ALPK3: variants seen among roughly 807,000 people sequenced by gnomAD.
The protein encoded by ALPK3 is alpha-protein kinase 3.
ALPK3 carries 102 observed loss-of-function variants against 140.0 expected under a neutral mutation model. The observed-to-expected ratio is 0.73, with a 90% CI of 0.62 to 0.86. The LOEUF is 0.86. Among genes scored for constraint, ALPK3 ranks in the 40% least tolerant of loss-of-function variants. The probability of loss-of-function intolerance (pLI) is 0.00; values close to 1 mark genes in which losing one functional copy is unlikely to be tolerated. For missense variants in ALPK3, 2,254 were observed against 2,208.2 expected (o/e 1.02, Z -0.42); for synonymous variants, 938 against 898.5 (o/e 1.04, Z -0.79).
At chr15:84,831,775 G>C (rs1432339976) in intron 3 of ALPK3, among the ~76,000 whole-genome samples, 3 of 152,210 alleles carry the variant, frequency 2.0e-5, no homozygotes, top group Admixed American at 2.0e-4. Flanking sequence ...TGAGCAAGGA[G>C]GAGGGGCCTG....
Position 84,858,466 on chromosome 15 carries a change from AGGCCGGC to A in ALPK3, c.3731_3737del (p.Ala1244ValfsTer26). ...GCAGGAGACCTGGGCCCCAGCCCCAAGGCCGGCGGTCTGGACACAGAGGTGGCCCTGG... is the reference window on the plus strand; with the variant it reads ...GCAGGAGACCTGGGCCCCAGCCCCAAGGTCTGGACACAGAGGTGGCCCTGG... On this transcript the variant is annotated frameshift_variant, in exon 6 of 14. Coordinates refer to ENST00000258888, the MANE Select transcript of ALPK3 (RefSeq NM_020778.5). LOFTEE classifies it high-confidence loss of function. 1 of 1,571,168 alleles carries A rather than the reference AGGCCGGC, an allele frequency of 6.4e-7. No individual in the cohort carries two copies.
intron 5 of ALPK3, among the ~76,000 whole-genome samples, chr15:84,849,017 C>T (rs184784345): frequency 6.6e-6 from 1 of 152,164 alleles, no homozygotes; most frequent in African/African-American, 2.4e-5. Context: ...TGGTGCATGC[C>T]TGTAATCCCA....
intron 5 of ALPK3, 22 bp from the exon 6 acceptor site, chr15:84,856,370 G>A: frequency 1.9e-6 from 3 of 1,567,026 alleles, no homozygotes; most frequent in Non-Finnish European, 1.7e-6. Flanking sequence ...TTAAATCCTT[G>A]CTTTTGTCCC....
At chr15:84,838,093 C>T (rs1224275319) in intron 3 of ALPK3, among the ~76,000 whole-genome samples, 5 of 152,116 alleles carry the variant, frequency 3.3e-5, no homozygotes, top group African/African-American at 7.2e-5. Flanking sequence ...ACACCTCAGT[C>T]GGTGTCACTG....
At chr15:84,859,566 T>C (rs1257657857) in intron 7 of ALPK3, among the ~76,000 whole-genome samples, 176 bp downstream of exon 7, 1 of 152,224 alleles carries the variant, frequency 6.6e-6, no homozygotes, top group Non-Finnish European at 1.5e-5. Flanking sequence ...TTTAAGCCAC[T>C]TGTCCAAAGC....
Position 84,857,934 on chromosome 15 carries a change from C to G in ALPK3, c.3196C>G (p.Pro1066Ala), listed in dbSNP as rs139722212. 3 of 1,609,630 alleles carry G rather than the reference C, an allele frequency of 1.9e-6. No homozygotes were observed. In the Admixed American group the frequency reaches 5.1e-5, roughly 27 times the overall value. The change falls in exon 6 of 14, where the codon CCC becomes GCC. Residue 1066 changes from proline to alanine, a missense_variant. Pro to Ala is a conservative substitution (Grantham distance 27, BLOSUM62 -1). This residue lies in a region of ALPK3 where 2,088 missense variants were observed against 2,022.9 expected (regional missense o/e 1.03). Transcript: ENST00000258888. ...AAARGSWGPG[P>A]SSLTVPAIVV... Reference sequence around the variant, plus strand: ...TGCCCGAGGCTCCTGGGGTCCTGGTCCCAGCTCCCTCACTGTCCCTGCCAT... The same window carrying G: ...TGCCCGAGGCTCCTGGGGTCCTGGTGCCAGCTCCCTCACTGTCCCTGCCAT...
intron 12 of ALPK3, 49 bp downstream of exon 12, chr15:84,864,714 G>C (rs917486716): frequency 1.3e-6 from 2 of 1,560,566 alleles, no homozygotes; most frequent in African/African-American, 2.7e-5. Context: ...GGATGTGAAA[G>C]CATGCAGAGG....
At chr15:84,855,741 G>T (rs1321056451) in intron 5 of ALPK3, among the ~76,000 whole-genome samples, 1 of 152,162 alleles carries the variant, frequency 6.6e-6, no homozygotes, top group Non-Finnish European at 1.5e-5. Flanking sequence ...TACTGTATGA[G>T]GAGTAAGTGG....
chr15:84,862,664 G>T lies in ALPK3; in HGVS notation c.4159G>T (p.Val1387Leu). 1 of 1,614,020 alleles carries T rather than the reference G, an allele frequency of 6.2e-7. No homozygotes were observed. The highest frequency in any genetic ancestry group is 8.5e-7 in the Non-Finnish European group (1 of 1,179,976). Reference protein sequence around the residue: ...VGEEIEMTPMVFAKGLADSGC... With the variant: ...VGEEIEMTPMLFAKGLADSGC... ...AGAAGAGATTGAGATGACCCCTATGGTGTTTGCTAAGGGTCTGGCTGACTC... is the reference window on the plus strand; with the variant it reads ...AGAAGAGATTGAGATGACCCCTATGTTGTTTGCTAAGGGTCTGGCTGACTC... The change falls in exon 10 of 14, where the codon GTG becomes TTG. Residue 1387 changes from valine to leucine, a missense_variant. By Grantham distance (32) the Val-to-Leu change is conservative (BLOSUM62 1). This residue lies in a region of ALPK3 where 2,088 missense variants were observed against 2,022.9 expected (regional missense o/e 1.03). Coordinates refer to ENST00000258888, the MANE Select transcript of ALPK3 (RefSeq NM_020778.5).
chr15:84,862,699 G>T lies in ALPK3; in HGVS notation c.4194G>T (p.Trp1398Cys), dbSNP rs780428798. The change falls in exon 10 of 14, where the codon TGG becomes TGT. Residue 1398 changes from tryptophan to cysteine, a missense_variant. Physicochemically the swap from Trp to Cys is radical, Grantham distance 215. This residue lies in a region of ALPK3 where 2,088 missense variants were observed against 2,022.9 expected (regional missense o/e 1.03). Transcript: ENST00000258888. Reference sequence around the variant, plus strand: ...AGGGTCTGGCTGACTCTGGCTGCTGGGGGGACAAGCTCTTTGGGCGACTGG... The same window carrying T: ...AGGGTCTGGCTGACTCTGGCTGCTGTGGGGACAAGCTCTTTGGGCGACTGG... The part of the protein sequence containing the change: ...FAKGLADSGC[W>C]GDKLFGRLVS... 5.6e-6 allele frequency: 9 copies of T among 1,614,186 alleles called. No individual in the cohort carries two copies. In the East Asian group the frequency reaches 2.0e-4, roughly 36 times the overall value.
chr15:84,845,729 C>T (rs930148637), intron 5 of ALPK3, among the ~76,000 whole-genome samples: 2 of 152,212 alleles, frequency 1.3e-5, no homozygotes, highest in African/African-American at 4.8e-5. Context: ...AAGTCCCACA[C>T]TGGCCACTGG....
chr15:84,842,426 G>A (rs879927126), intron 5 of ALPK3, among the ~76,000 whole-genome samples: 9 of 152,226 alleles, frequency 5.9e-5, no homozygotes, highest in Admixed American at 3.3e-4. Flanking sequence ...TAGGATAGAG[G>A]AAGCAGTTAT....
At position 84,858,357 on chromosome 15, in the gene ALPK3, A is replaced by C. The variant is rs375198700; in HGVS notation, c.3619A>C (p.Thr1207Pro). Residue 1207 changes from threonine (T) to proline (P), a missense_variant, in exon 6 of 14, where the codon ACT (threonine) becomes CCT (proline). Thr to Pro is a conservative substitution (Grantham distance 38). Transcript: ENST00000258888. ...RKSLVPGSPGTPGRERRSPTQ... is the reference protein window; with the variant it reads ...RKSLVPGSPGPPGRERRSPTQ... ...AAGCCTGGTGCCTGGGTCCCCAGGGACTCCAGGGCGGGAGAGACGCTCCCC... is the reference window on the plus strand; with the variant it reads ...AAGCCTGGTGCCTGGGTCCCCAGGGCCTCCAGGGCGGGAGAGACGCTCCCC... The C allele has an allele frequency of 6.4e-6, 10 of 1,554,914 alleles. No individual in the cohort carries two copies. The African/African-American group carries it at 1.4e-4, about 21-fold the overall frequency.
At chr15:84,859,202 G>A (rs774221903) in intron 6 of ALPK3, 41 bp from the exon 7 acceptor site, 2 of 1,612,100 alleles carry the variant, frequency 1.2e-6, no homozygotes, top group Non-Finnish European at 1.7e-6. Flanking sequence ...TATGGCCAGA[G>A]GAGAGGTGGT....
At chr15:84,866,878 TC>T (rs1964008670) in intron 12 of ALPK3, among the ~76,000 whole-genome samples, 1 of 152,176 alleles carries the variant, frequency 6.6e-6, no homozygotes, top group African/African-American at 2.4e-5. Flanking sequence ...CCTGGTCTGA[TC>T]CAGTAGAGGC....
rs766372253 is a variant in ALPK3, at chr15:84,840,391, G to C, written c.1112G>C (p.Arg371Thr). Residue 371 changes from arginine (R) to threonine (T), a missense_variant, in exon 5 of 14, where the codon AGA (arginine) becomes ACA (threonine). This residue lies in a region of ALPK3 where 2,088 missense variants were observed against 2,022.9 expected (regional missense o/e 1.03). Coordinates refer to ENST00000258888, the MANE Select transcript of ALPK3 (RefSeq NM_020778.5). ...VGVEQVQTQP[R>T]GRAARGPGSS... is the part of the protein sequence containing the mutation. ...GTGGAGCAGGTTCAGACCCAGCCCAGAGGCAGGGCTGCACGGGGGCCTGGG... is the reference window on the plus strand; with the variant it reads ...GTGGAGCAGGTTCAGACCCAGCCCACAGGCAGGGCTGCACGGGGGCCTGGG... The C allele has an allele frequency of 3.7e-6, 6 of 1,613,780 alleles. No individual in the cohort carries two copies. Among genetic ancestry groups the C allele is most frequent in the Non-Finnish European group, 5.1e-6 (6 of 1,179,914 alleles).
intron 5 of ALPK3, among the ~76,000 whole-genome samples, chr15:84,846,683 A>AAAACAAAC (rs574045837): frequency 1.3e-5 from 2 of 152,178 alleles, no homozygotes; most frequent in East Asian, 3.8e-4. Context: ...ACCCTGTCTC[A>AAAACAAAC]AAACAAACAA....
intron 5 of ALPK3, 40 bp from the exon 6 acceptor site, chr15:84,856,352 C>T (rs966860120): frequency 2.0e-5 from 31 of 1,549,824 alleles, no homozygotes; most frequent in Non-Finnish European, 2.7e-5. Context: ...ATCTGAATGT[C>T]CATGTAGTTA....
chr15:84,827,454 C>G (rs745687219), intron 2 of ALPK3, 30 bp from the exon 3 acceptor site: 2 of 1,613,230 alleles, frequency 1.2e-6, no homozygotes. Context: ...TGGGGAAGGC[C>G]AGCTCTGAAT....
Sources: allele counts gnomAD v4.1 joint callset (sites outside exome capture counted in the v4.1 genomes callset), GRCh38; gene constraint gnomAD v4.1.1; regional missense constraint gnomAD v4.1.1; transcripts MANE v1.5; gene names NCBI Gene and HGNC (gene_info 2026-07-23, HGNC 2026-07-21).